TMEM87B: variants seen among roughly 807,000 people sequenced by gnomAD.
TMEM87B encodes transmembrane protein 87B.
TMEM87B carries 83 observed loss-of-function variants against 80.3 expected under a neutral mutation model. That is an observed-to-expected ratio of 1.03 (90% CI 0.87 to 1.24). The LOEUF is 1.24. TMEM87B is among the 50% of genes most tolerant of loss of function. TMEM87B has a pLI of 0.00. For synonymous variants in TMEM87B, 219 were observed against 230.5 expected (o/e 0.95, Z 0.45); for missense variants, 625 against 674.4 (o/e 0.93, Z 0.81).
intron 2 of TMEM87B, among the ~76,000 whole-genome samples, chr2:112,063,129 A>G (rs879651929): frequency 3.3e-5 from 5 of 152,132 alleles, no homozygotes; most frequent in Non-Finnish European, 7.3e-5. Context: ...GCTTCCTGTT[A>G]TTCATGATCT....
rs756633113 is a variant in TMEM87B, at chr2:112,055,678, C to T, written c.87C>T (p.Ala29=). 35 of 1,586,130 alleles carry T rather than the reference C, an allele frequency of 2.2e-5. No homozygotes were observed. Among genetic ancestry groups the T allele is most frequent in the Middle Eastern group, 1.7e-4 (1 of 5,770 alleles). ...FPARAPLLRV[A]LCLLCWTPAA... ...CCCGGGCCCCGCTGCTGCGCGTCGCCCTCTGCCTCCTGTGCTGGACCCCGG... is the reference window on the plus strand; with the variant it reads ...CCCGGGCCCCGCTGCTGCGCGTCGCTCTCTGCCTCCTGTGCTGGACCCCGG... Residue 29 remains alanine, a synonymous_variant, in exon 1 of 19, where the codon GCC becomes GCT. Transcript: ENST00000283206.
rs773435355 is a variant in TMEM87B at position 112,116,078 on chromosome 2, C to A, written c.1609-6C>A. 9 of 1,591,716 alleles carry A rather than the reference C, an allele frequency of 5.7e-6. No individual in the cohort carries two copies. The highest frequency in any genetic ancestry group is 6.8e-6 in the Non-Finnish European group (8 of 1,171,650). Reference sequence around the variant, plus strand: ...GTTGATACATATCTTCTTTTTTTTTCTTCAGGAAATCATGACCAGATCTGA... The same window carrying A: ...GTTGATACATATCTTCTTTTTTTTTATTCAGGAAATCATGACCAGATCTGA... On this transcript the variant is annotated splice_polypyrimidine_tract_variant and splice_region_variant and intron_variant, in intron 18 of 18. Transcript: ENST00000283206.
intron 17 of TMEM87B, 131 bp from the exon 18 acceptor site, chr2:112,112,768 T>C: frequency 1.2e-6 from 1 of 809,330 alleles, no homozygotes; most frequent in South Asian, 1.7e-5. Flanking sequence ...GCCTAGATGC[T>C]CCCTTCTGTC....
intron 5 of TMEM87B, among the ~76,000 whole-genome samples, chr2:112,075,648 C>A (rs1678791554): frequency 1.3e-5 from 2 of 152,156 alleles, no homozygotes; most frequent in South Asian, 4.1e-4. Context: ...TGGGGAATTA[C>A]TAAAAGTTAG....
chr2:112,067,670 G>T (rs1468401904), intron 4 of TMEM87B, among the ~76,000 whole-genome samples: 2 of 152,134 alleles, frequency 1.3e-5, no homozygotes, highest in South Asian at 2.1e-4. Flanking sequence ...TCCTTGCAAG[G>T]TTCTTTTATA....
chr2:112,101,241 C>G (rs1196823389), intron 15 of TMEM87B, among the ~76,000 whole-genome samples: 1 of 151,912 alleles, frequency 6.6e-6, no homozygotes, highest in East Asian at 1.9e-4. Context: ...ATTTTTTTGT[C>G]CTCTTACTTT....
At chr2:112,102,289 A>G (rs1207859159) in intron 15 of TMEM87B, among the ~76,000 whole-genome samples, 2 of 152,254 alleles carry the variant, frequency 1.3e-5, no homozygotes, top group Non-Finnish European at 2.9e-5. Context: ...ATTAGCAAAT[A>G]AAATCTAGCA....
chr2:112,055,478 C>A lies in TMEM87B; in HGVS notation c.-114C>A. 1.6e-6 allele frequency: 2 copies of A among 1,258,130 alleles called. No individual in the cohort carries two copies. The highest frequency in any genetic ancestry group is 2.1e-6 in the Non-Finnish European group (2 of 961,746). 77.9% of individuals were successfully genotyped at this position (1,258,130 alleles called of 1,614,324 possible). On this transcript the variant is annotated 5_prime_UTR_variant, in exon 1 of 19. Coordinates refer to ENST00000283206, the MANE Select transcript of TMEM87B (RefSeq NM_032824.3). ...GGCCCAAGCGCGAGCCCCTCCTCCA[C>A]ACCCGAGTCCGAGCCCCGCGTCCCG...
At chr2:112,085,481 A>C (rs1201609496) in intron 8 of TMEM87B, among the ~76,000 whole-genome samples, 2 of 152,038 alleles carry the variant, frequency 1.3e-5, no homozygotes, top group African/African-American at 4.8e-5. Flanking sequence ...CCAAGTCTGG[A>C]GGGATGATGT....
chr2:112,064,804 G>C (rs181055090), intron 3 of TMEM87B, among the ~76,000 whole-genome samples: 2 of 152,186 alleles, frequency 1.3e-5, no homozygotes, highest in Non-Finnish European at 2.9e-5. Flanking sequence ...GATGATTCTC[G>C]TGATAGTTGC....
chr2:112,071,177 T>C (rs1158504509), intron 4 of TMEM87B, among the ~76,000 whole-genome samples: 1 of 152,064 alleles, frequency 6.6e-6, no homozygotes, highest in Non-Finnish European at 1.5e-5. Context: ...CTTTGAGCAG[T>C]GTTTTGTAAT....
chr2:112,096,968 A>G, intron 11 of TMEM87B, 76 bp from the exon 12 acceptor site: 1 of 1,004,752 alleles, frequency 1.0e-6, no homozygotes, highest in Non-Finnish European at 1.5e-6. Context: ...TGACTTTGGG[A>G]ACATAGTAGA....
intron 11 of TMEM87B, among the ~76,000 whole-genome samples, chr2:112,094,657 A>T (rs528847297): frequency 1.3e-5 from 2 of 152,312 alleles, no homozygotes; most frequent in South Asian, 4.1e-4. Context: ...TTGGGGTAGG[A>T]AAATAAGGAA....
chr2:112,081,481 TA>T lies in TMEM87B; in HGVS notation c.802del (p.Ser268ValfsTer17), dbSNP rs762434670. On this transcript the variant is annotated frameshift_variant, in exon 8 of 19. Coordinates refer to ENST00000283206, the MANE Select transcript of TMEM87B (RefSeq NM_032824.3). LOFTEE classifies it high-confidence loss of function. ...LGMLEKAVFY[S>X]EYQNISNTGL... ...GAATGCTTGAAAAAGCAGTTTTTTA[TA>T]GTGAATACCAAAACATCAGCAACAC... 3 of 1,612,612 alleles carry T rather than the reference TA, an allele frequency of 1.9e-6. No individual in the cohort carries two copies. The highest frequency in any genetic ancestry group is 2.5e-6 in the Non-Finnish European group (3 of 1,179,782).
At chr2:112,082,188 G>T (rs552647255) in intron 8 of TMEM87B, among the ~76,000 whole-genome samples, 1 of 152,196 alleles carries the variant, frequency 6.6e-6, no homozygotes, top group Non-Finnish European at 1.5e-5. Flanking sequence ...GAGGTTGAAG[G>T]TGCTCAAGAG....
intron 9 of TMEM87B, among the ~76,000 whole-genome samples, chr2:112,087,434 GT>G (rs1418859831): frequency 6.6e-6 from 1 of 150,530 alleles, no homozygotes; most frequent in African/African-American, 2.4e-5. Context: ...CTGACCTTCG[GT>G]TTTTTTTTCA....
intron 5 of TMEM87B, 106 bp downstream of exon 5, chr2:112,075,068 T>C: frequency 7.0e-7 from 1 of 1,429,004 alleles, no homozygotes; most frequent in Non-Finnish European, 9.3e-7. Context: ...AGTAGGGTTA[T>C]TAGAACTGTG....
intron 4 of TMEM87B, among the ~76,000 whole-genome samples, chr2:112,071,993 G>T (rs1053354997): frequency 6.6e-6 from 1 of 152,178 alleles, no homozygotes; most frequent in African/African-American, 2.4e-5. Context: ...TAACATGAAA[G>T]GATGTTGTAT....
At chr2:112,105,900 A>G in intron 15 of TMEM87B, 102 bp from the exon 16 acceptor site, 1 of 784,116 alleles carries the variant, frequency 1.3e-6, no homozygotes, top group Non-Finnish European at 1.8e-6. Flanking sequence ...TTAACCCTCC[A>G]TTTCTAAAAA....
Sources: gnomAD v4.1 joint callset for allele counts (sites outside exome capture counted in the v4.1 genomes callset) on GRCh38, gnomAD v4.1.1 for gene constraint, MANE v1.5 for transcripts, NCBI Gene and HGNC (gene_info 2026-07-23, HGNC 2026-07-21) for gene names.